FER1L5: variants seen among roughly 807,000 people sequenced by gnomAD.
The protein encoded by FER1L5 is fer-1-like protein 5.
FER1L5 carries 187 observed loss-of-function variants against 279.9 expected under a neutral mutation model. That is an observed-to-expected ratio of 0.67 (90% CI 0.59 to 0.75). The LOEUF (loss-of-function observed/expected upper bound fraction) is 0.75. FER1L5 is among the 30% of genes least tolerant of loss of function. The probability of loss-of-function intolerance (pLI) is 0.00; values close to 1 mark genes in which losing one functional copy is unlikely to be tolerated. For synonymous variants in FER1L5, 921 were observed against 989.7 expected (o/e 0.93, Z 1.30); for missense variants, 2,091 against 2,594.4 (o/e 0.81, Z 4.21).
Position 96,668,927 on chromosome 2 carries a change from T to C in FER1L5, c.1226T>C (p.Leu409Pro). 6.4e-7 allele frequency: 1 copy of C among 1,551,618 alleles called. No individual in the cohort carries two copies. Among genetic ancestry groups the C allele is most frequent in the Non-Finnish European group, 8.7e-7 (1 of 1,146,958 alleles). ...CCGGATGAGATTGGGACTGCCAGCC[T>C]GTCCCTCAACCAGATCTCGTCCACC... ...DCPDEIGTAS[L>P]SLNQISSTGE... Residue 409 changes from leucine (L) to proline (P), a missense_variant, in exon 16 of 53, where the codon CTG (leucine) becomes CCG (proline). Coordinates refer to ENST00000624922, the MANE Select transcript of FER1L5 (RefSeq NM_001293083.2).
Position 96,691,286 on chromosome 2 carries a change from C to T in FER1L5, c.2840C>T (p.Ala947Val), listed in dbSNP as rs1014851606. 2.1e-5 allele frequency: 33 copies of T among 1,550,508 alleles called. No homozygotes were observed. The highest frequency in any genetic ancestry group is 7.8e-5 in the Admixed American group (4 of 50,992). ...TYHSCRRRRW[A>V]RVRFRNHGEL... ...CACTCGTGCCGCCGCCGGCGCTGGG[C>T]GCGTGTGCGCTTCAGGAACCATGGG... is the stretch of plus-strand genomic sequence containing the variant. Residue 947 changes from alanine (A) to valine (V), a missense_variant, in exon 28 of 53, where the codon GCG becomes GTG. Ala to Val is a moderately conservative substitution (Grantham distance 64). Transcript: ENST00000624922. The surrounding 1 kb of genome is among the most constrained non-coding windows in gnomAD (Gnocchi z 6.0).
Position 96,689,490 on chromosome 2 carries a change from A to C in FER1L5, c.2525+114A>C. Reference sequence around the variant, plus strand: ...CCCTAAGCCTGGTGCCAGAGGGCCGAGGTGCACCAGGCCAAGGGCCCTGCC... The same window carrying C: ...CCCTAAGCCTGGTGCCAGAGGGCCGCGGTGCACCAGGCCAAGGGCCCTGCC... On this transcript the variant is annotated intron_variant, in intron 25 of 52. Transcript: ENST00000624922. This position sits in a 1 kb window ranked among gnomAD's most constrained non-coding sequence, Gnocchi z 4.6. 5 of 1,483,808 alleles carry C rather than the reference A, an allele frequency of 3.4e-6. No individual in the cohort carries two copies. Among genetic ancestry groups the C allele is most frequent in the Non-Finnish European group, 4.6e-6 (5 of 1,096,682 alleles). 91.9% of individuals were successfully genotyped at this position (1,483,808 alleles called of 1,614,324 possible).
rs747870198 is a variant in FER1L5, at chr2:96,703,564, A to G, written c.5733A>G (p.Glu1911=). The part of the protein sequence containing the change: ...KMSLEILSEK[E]ALIKPAGRGQ... ...GCCTGGAGATTCTGTCAGAGAAGGA[A>G]GCCTTAATCAAGCCAGCCGGGCGAG... is the stretch of plus-strand genomic sequence containing the variant. Residue 1911 remains glutamate (E), a synonymous_variant, in exon 51 of 53, where the codon GAA becomes GAG. Coordinates refer to ENST00000624922, the MANE Select transcript of FER1L5 (RefSeq NM_001293083.2). 1 of 1,613,956 alleles carries G rather than the reference A, an allele frequency of 6.2e-7. No individual in the cohort carries two copies. The highest frequency in any genetic ancestry group is 2.2e-5 in the East Asian group (1 of 44,868).
chr2:96,654,254 G>T (rs2075502078), intron 8 of FER1L5, 192 bp from the exon 9 acceptor site: 1 of 384,684 alleles, frequency 2.6e-6, no homozygotes, highest in African/African-American at 2.1e-5. Context: ...CAGTAAAATG[G>T]AATTAAAAAT....
intron 19 of FER1L5, 65 bp downstream of exon 19, chr2:96,673,319 C>G (rs2076395835): frequency 2.1e-6 from 3 of 1,426,490 alleles, no homozygotes; most frequent in African/African-American, 1.4e-5. Context: ...GTGCTAGGCT[C>G]TCTCAGGGGT....
At chr2:96,670,475 G>T (rs2076283211) in intron 18 of FER1L5, among the ~76,000 whole-genome samples, 1 of 152,118 alleles carries the variant, frequency 6.6e-6, no homozygotes. Context: ...TAAGGTTTCA[G>T]TTTAAGAAAT....
intron 42 of FER1L5, 134 bp downstream of exon 42, chr2:96,699,270 G>T (rs1284934723): frequency 2.1e-6 from 2 of 945,308 alleles, no homozygotes; most frequent in Admixed American, 2.2e-5. Context: ...TACATGCCCT[G>T]GTGCTCAACA....
In FER1L5 at chr2:96,647,103, G is replaced by C. The variant is rs1165070114; in HGVS notation, c.178G>C (p.Asp60His). The change falls in exon 3 of 53, where the codon GAC becomes CAC. Residue 60 changes from aspartate to histidine, a missense_variant. Transcript: ENST00000624922. ...WHLWNRPLENDSFLQVTLQDM... is the reference protein window; with the variant it reads ...WHLWNRPLENHSFLQVTLQDM... ...CCTCTGGAACCGCCCCCTGGAAAAT[G>C]ACTCCTTCCTGCAAGTCACCCTTCA... The C allele has an allele frequency of 1.9e-6, 3 of 1,551,554 alleles. No individual in the cohort carries two copies. In the African/African-American group the frequency reaches 4.1e-5, roughly 21 times the overall value.
chr2:96,642,907 C>T lies in FER1L5; in HGVS notation c.71C>T (p.Ser24Phe). 6.4e-7 allele frequency: 1 copy of T among 1,550,882 alleles called. No individual in the cohort carries two copies. Reference sequence around the variant, plus strand: ...GCCCCACTACCCAGGCCCTGCATGTCCATCGACTTCAGAGGTGAGAGCCTC... The same window carrying T: ...GCCCCACTACCCAGGCCCTGCATGTTCATCGACTTCAGAGGTGAGAGCCTC... ...PLAPLPRPCMSIDFRDIKKRT... is the reference protein window; with the variant it reads ...PLAPLPRPCMFIDFRDIKKRT... The change falls in exon 1 of 53, where the codon TCC (serine) becomes TTC (phenylalanine). Residue 24 changes from serine (S) to phenylalanine (F), a missense_variant. Coordinates refer to ENST00000624922, the MANE Select transcript of FER1L5 (RefSeq NM_001293083.2).
chr2:96,703,498 TC>T, intron 50 of FER1L5, 24 bp from the exon 51 acceptor site: 1 of 1,612,764 alleles, frequency 6.2e-7, no homozygotes, highest in Non-Finnish European at 8.5e-7. Context: ...GCACTCAGCC[TC>T]CCCCTCACCC....
Position 96,673,228 on chromosome 2 carries a change from C to T in FER1L5, c.1643C>T (p.Thr548Ile). 1.9e-6 allele frequency: 3 copies of T among 1,551,554 alleles called. No individual in the cohort carries two copies. The highest frequency in any genetic ancestry group is 1.2e-5 in the South Asian group (1 of 84,052). ...DLNYKPLVSSTPYSPVIYDGN... is the reference protein window; with the variant it reads ...DLNYKPLVSSIPYSPVIYDGN... ...AATTACAAGCCTCTAGTCTCAAGCA[C>T]ACCGTACAGCCCAGTGATATATGAT... Residue 548 changes from threonine to isoleucine, a missense_variant, in exon 19 of 53, where the codon ACA becomes ATA. Physicochemically the swap from Thr to Ile is moderately conservative, Grantham distance 89 (BLOSUM62 -1). Transcript: ENST00000624922.
At position 96,704,790 on chromosome 2, in the gene FER1L5, T is replaced by G. The variant is rs114410308; in HGVS notation, c.*98T>G. On this transcript the variant is annotated 3_prime_UTR_variant, in exon 53 of 53. Coordinates refer to ENST00000624922, the MANE Select transcript of FER1L5 (RefSeq NM_001293083.2). ...TCTATCTTCTAGAATATATGCAAGA[T>G]GCTAGGAATATTCTGGCTATTGTGT... 1,661 of 895,502 alleles carry G rather than the reference T, an allele frequency of 1.9e-3. 22 individuals are homozygous for G. In the African/African-American group the frequency reaches 0.025, roughly 13 times the overall value. 55.5% of individuals were successfully genotyped at this position (895,502 alleles called of 1,614,324 possible).
Position 96,690,586 on chromosome 2 carries a change from A to G in FER1L5, c.2740A>G (p.Lys914Glu), listed in dbSNP as rs2077103209. The G allele has an allele frequency of 6.4e-7, 1 of 1,551,500 alleles. No homozygotes were observed. The highest frequency in any genetic ancestry group is 2.0e-5 in the Admixed American group (1 of 51,008). ...GGAGCTGAACCACGCAGTGGACAGTAAGGGTCAGTCGTTTGGTCAGGGTTG... is the reference window on the plus strand; with the variant it reads ...GGAGCTGAACCACGCAGTGGACAGTGAGGGTCAGTCGTTTGGTCAGGGTTG... ...VVELNHAVDS[K>E]GWEYGVGIPP... Residue 914 changes from lysine to glutamate, a missense_variant, in exon 27 of 53, where the codon AAG becomes GAG. Transcript: ENST00000624922.
rs368115806 is a variant in FER1L5, at chr2:96,661,706, T to C, written c.933T>C (p.Asp311=). 309 of 1,551,608 alleles carry C rather than the reference T, an allele frequency of 2.0e-4. No individual in the cohort carries two copies. The highest frequency in any genetic ancestry group is 2.6e-4 in the Non-Finnish European group (294 of 1,147,004). The part of the protein sequence containing the change: ...QKLLYGTDDT[D]IQIFKSAVVP... ...TGCTCTATGGCACCGATGACACCGATATTCAGATCTTCAAGTCAGCGGTAG... is the reference window on the plus strand; with the variant it reads ...TGCTCTATGGCACCGATGACACCGACATTCAGATCTTCAAGTCAGCGGTAG... The change falls in exon 12 of 53, where the codon GAT becomes GAC. Residue 311 remains aspartate, a synonymous_variant. Coordinates refer to ENST00000624922, the MANE Select transcript of FER1L5 (RefSeq NM_001293083.2).
intron 9 of FER1L5, among the ~76,000 whole-genome samples, chr2:96,659,462 T>TTTCTTTCTTTC (rs2075840205): frequency 4.3e-4 from 12 of 27,672 alleles, no homozygotes; most frequent in Admixed American, 5.7e-4. Context: ...TCTTTCTTTC[T>TTTCTTTCTTTC]TTCTTTCTTT....
chr2:96,699,231 C>G, intron 42 of FER1L5, 95 bp downstream of exon 42: 2 of 1,303,204 alleles, frequency 1.5e-6, no homozygotes. Context: ...GCACTCCTGT[C>G]CAGCCTCCAA....
At position 96,670,256 on chromosome 2, in the gene FER1L5, G is replaced by A. The variant is rs746812031; in HGVS notation, c.1491+9G>A. The A allele has an allele frequency of 1.7e-5, 27 of 1,550,864 alleles. No individual in the cohort carries two copies. Among genetic ancestry groups the A allele is most frequent in the East Asian group, 1.2e-4 (5 of 40,904 alleles). On this transcript the variant is annotated intron_variant, in intron 18 of 52. Transcript: ENST00000624922. ...AAGTGACCAGGATAGAGGTAACTGC[G>A]GGAAACAGGTAACCCAGGGAAAAAC...
chr2:96,702,243 CCTCA>C lies in FER1L5; in HGVS notation c.5160-60_5160-57del. ...AGGGCAGCCTCCCAGGCTTCTCTGC[CCTCA>C]CTGAGGCTGCAGCTGGGGAGCTCCT... On this transcript the variant is annotated intron_variant, in intron 46 of 52. Coordinates refer to ENST00000624922, the MANE Select transcript of FER1L5 (RefSeq NM_001293083.2). This position sits in a 1 kb window ranked among gnomAD's most constrained non-coding sequence, Gnocchi z 4.0. 2 of 1,581,584 alleles carry C rather than the reference CCTCA, an allele frequency of 1.3e-6. No homozygotes were observed. The highest frequency in any genetic ancestry group is 1.7e-6 in the Non-Finnish European group (2 of 1,164,388).
chr2:96,678,878 C>G (rs1023973126), intron 19 of FER1L5, among the ~76,000 whole-genome samples: 1 of 152,142 alleles, frequency 6.6e-6, no homozygotes, highest in Non-Finnish European at 1.5e-5. Context: ...AAGTCCTGTA[C>G]CAGATATGTG....
Sources: allele counts gnomAD v4.1 joint callset (sites outside exome capture counted in the v4.1 genomes callset), GRCh38; gene constraint gnomAD v4.1.1; non-coding constraint Gnocchi (gnomAD v3.1); transcripts MANE v1.5; gene names NCBI Gene and HGNC (gene_info 2026-07-23, HGNC 2026-07-21).